The following RFTN1 variants were observed in gnomAD, a reference collection of about 807,000 sequenced individuals.
RFTN1 encodes the protein raftlin, lipid raft linker 1.
A neutral mutation model predicts 46.5 loss-of-function variants in RFTN1; 26 were observed. The ratio of observed to expected loss-of-function variants is 0.56; its 90% confidence interval spans 0.41 to 0.78. RFTN1 has a LOEUF of 0.78. RFTN1 is among the 30% of genes least tolerant of loss of function. The pLI is 0.00. For missense variants in RFTN1, 693 were observed against 718.7 expected (o/e 0.96, Z 0.41); for synonymous variants, 261 against 284.2 (o/e 0.92, Z 0.82).
chr3:16,503,404 C>T (rs1055712810), intron 1 of RFTN1, among the ~76,000 whole-genome samples: 18 of 152,176 alleles, frequency 1.2e-4, no homozygotes, highest in African/African-American at 4.1e-4. Context: ...ATCTTGACTG[C>T]ACTTTGGAAC....
At chr3:16,323,340 T>G in intron 9 of RFTN1, 36 bp downstream of exon 9, 1 of 1,484,142 alleles carries the variant, frequency 6.7e-7, no homozygotes, top group Non-Finnish European at 9.4e-7. Context: ...GAAGCCCTGC[T>G]GAGGAAAACC....
In RFTN1 at chr3:16,410,418, G is replaced by C. The variant is rs966828936; in HGVS notation, c.333-935C>G. Among the ~76,000 whole-genome samples, 4 of 151,964 alleles carry C rather than the reference G, an allele frequency of 2.6e-5. No individual in the cohort carries two copies. Among genetic ancestry groups the C allele is most frequent in the African/African-American group, 9.7e-5 (4 of 41,348 alleles). ...GATGGGGATGGGTGGTGATGGTATGGGTGTGGGGGTGGTGATCAAAAGTGA... is the reference window on the plus strand; with the variant it reads ...GATGGGGATGGGTGGTGATGGTATGCGTGTGGGGGTGGTGATCAAAAGTGA... On this transcript the variant is annotated intron_variant, in intron 3 of 9. Coordinates refer to ENST00000334133, the MANE Select transcript of RFTN1 (RefSeq NM_015150.2). The surrounding 1 kb of genome is among the most constrained non-coding windows in gnomAD (Gnocchi z 4.6).
rs537062120 is a variant in RFTN1, at chr3:16,355,517, C to T, written c.1146+2415G>A. ...AAAAGGGGAGGCAGTGGTCTGCAGC[C>T]TCTCTTCTAAGGGCATTCATCCTAT... On this transcript the variant is annotated intron_variant, in intron 7 of 9. Coordinates refer to ENST00000334133, the MANE Select transcript of RFTN1 (RefSeq NM_015150.2). Among the ~76,000 whole-genome samples, 15 of 152,346 alleles carry T rather than the reference C, an allele frequency of 9.8e-5. 1 individual carries two copies. The highest frequency in any genetic ancestry group is 6.5e-4 in the Admixed American group (10 of 15,308).
rs2071069874 is a variant in RFTN1, at chr3:16,338,454, C to G, written c.1147-11578G>C. 6.6e-6 allele frequency among the ~76,000 whole-genome samples: 1 copy of G among 152,238 alleles called. No individual in the cohort carries two copies. On this transcript the variant is annotated intron_variant, in intron 7 of 9. Transcript: ENST00000334133. This position sits in a 1 kb window ranked among gnomAD's most constrained non-coding sequence, Gnocchi z 5.3. ...CATCCTGTCAGCTGCTCATCGGGAC[C>G]ACGTATGCAATAGCACAGGGCTCCT...
chr3:16,431,587 T>C (rs948929099), intron 3 of RFTN1, among the ~76,000 whole-genome samples: 1 of 152,084 alleles, frequency 6.6e-6, no homozygotes, highest in African/African-American at 2.4e-5. Flanking sequence ...CAGATCACAC[T>C]GAAGGATGTG....
At chr3:16,393,962 CTTT>C (rs758088705) in intron 4 of RFTN1, among the ~76,000 whole-genome samples, 21 of 151,916 alleles carry the variant, frequency 1.4e-4, no homozygotes, top group Non-Finnish European at 1.9e-4. Flanking sequence ...CCCGGCCAGA[CTTT>C]TTTTTAAGGA....
In RFTN1 at chr3:16,326,778, A is replaced by G. The variant is rs1177215283; in HGVS notation, c.1245T>C (p.Thr415=). Residue 415 remains threonine, a synonymous_variant, in exon 8 of 10, where the codon ACT becomes ACC. Transcript: ENST00000334133. The stretch of plus-strand genomic sequence containing the variant: ...ATGATTACTGTTATTGTTACCTGGT[A>G]GTCTTGACGACGGGAGTTGGTAGCA... ...TCVLPTPVVK[T]TSEGSVSTKQ... The G allele has an allele frequency of 1.9e-6, 3 of 1,612,762 alleles. No homozygotes were observed. The highest frequency in any genetic ancestry group is 2.2e-5 in the South Asian group (2 of 91,050).
chr3:16,391,719 C>T (rs939359356), intron 4 of RFTN1, among the ~76,000 whole-genome samples: 27 of 152,116 alleles, frequency 1.8e-4, no homozygotes, highest in African/African-American at 4.8e-4. Context: ...AAACGCAGCA[C>T]ACCACTATCA....
At chr3:16,324,932 A>G (rs566710732) in intron 8 of RFTN1, among the ~76,000 whole-genome samples, 1 of 152,052 alleles carries the variant, frequency 6.6e-6, no homozygotes, top group Non-Finnish European at 1.5e-5. Flanking sequence ...TTAATTTACA[A>G]TCCCACCAAG....
At chr3:16,347,340 A>G (rs909066584) in intron 7 of RFTN1, among the ~76,000 whole-genome samples, 2 of 152,272 alleles carry the variant, frequency 1.3e-5, no homozygotes, top group Non-Finnish European at 2.9e-5. Flanking sequence ...TTGGTGGATT[A>G]CAACAATAGA....
intron 9 of RFTN1, among the ~76,000 whole-genome samples, chr3:16,318,269 T>C (rs2068654964): frequency 6.6e-6 from 1 of 152,198 alleles, no homozygotes; most frequent in South Asian, 2.1e-4. Context: ...GTTCCCACCA[T>C]GGCCACTTCC....
chr3:16,488,154 G>A (rs1160730709), intron 2 of RFTN1, among the ~76,000 whole-genome samples: 1 of 149,360 alleles, frequency 6.7e-6, no homozygotes, highest in Non-Finnish European at 1.5e-5. Context: ...CCAGGCTGGA[G>A]TGCAATGGTG....
At chr3:16,497,321 C>T (rs1422166741) in intron 1 of RFTN1, among the ~76,000 whole-genome samples, 2 of 152,226 alleles carry the variant, frequency 1.3e-5, no homozygotes, top group Non-Finnish European at 2.9e-5. Context: ...CATCTACGTA[C>T]TGGGTCTCAA....
Position 16,513,660 on chromosome 3 carries a change from C to A in RFTN1, c.-227G>T. 6.6e-6 allele frequency: 1 copy of A among 150,808 alleles called. No homozygotes were observed. The highest frequency in any genetic ancestry group is 1.8e-4 in the South Asian group (1 of 5,612). 9.3% of individuals were successfully genotyped at this position (150,808 alleles called of 1,614,324 possible). On this transcript the variant is annotated 5_prime_UTR_variant, in exon 1 of 10. Coordinates refer to ENST00000334133, the MANE Select transcript of RFTN1 (RefSeq NM_015150.2). This position sits in a 1 kb window ranked among gnomAD's most constrained non-coding sequence, Gnocchi z 5.4. ...CCGGAGCCCGCGGCCGCCGCGCTCT[C>A]GCTCGCTGCGCCCAGCGCCCGGCGC...
rs2075659404 is a variant in RFTN1, at chr3:16,442,966, T to C, written c.146-8929A>G. ...ATTGCATATATATACCATAGTTTAT[T>C]TATCCAATCATCTATTGATGGACAT... is the stretch of plus-strand genomic sequence containing the variant. On this transcript the variant is annotated intron_variant, in intron 2 of 9. Coordinates refer to ENST00000334133, the MANE Select transcript of RFTN1 (RefSeq NM_015150.2). This position sits in a 1 kb window ranked among gnomAD's most constrained non-coding sequence, Gnocchi z 4.1. 2.6e-5 allele frequency among the ~76,000 whole-genome samples: 4 copies of C among 152,274 alleles called. No individual in the cohort carries two copies. Among genetic ancestry groups the C allele is most frequent in the Admixed American group, 2.6e-4 (4 of 15,292 alleles).
At position 16,500,417 on chromosome 3, in the gene RFTN1, A is replaced by G. The variant is rs761461665; in HGVS notation, c.-8-6540T>C. Among the ~76,000 whole-genome samples, 14 of 152,352 alleles carry G rather than the reference A, an allele frequency of 9.2e-5. No individual in the cohort carries two copies. Among genetic ancestry groups the G allele is most frequent in the Non-Finnish European group, 1.8e-4 (12 of 68,028 alleles). ...AGGTACCAAGAAAAACTTTCCAAGA[A>G]GTCTTCAAAGGTAGAGGAAATGGAA... On this transcript the variant is annotated intron_variant, in intron 1 of 9. Coordinates refer to ENST00000334133, the MANE Select transcript of RFTN1 (RefSeq NM_015150.2). This position sits in a 1 kb window ranked among gnomAD's most constrained non-coding sequence, Gnocchi z 5.9.
chr3:16,345,553 G>A lies in RFTN1; in HGVS notation c.1146+12379C>T, dbSNP rs2125302007. On this transcript the variant is annotated intron_variant, in intron 7 of 9. Transcript: ENST00000334133. This position sits in a 1 kb window ranked among gnomAD's most constrained non-coding sequence, Gnocchi z 5.2. ...TGAGGACCTGAACAGAACAAAGGGT[G>A]GAGGAAGGCTGAATTAACACCGCCT... is the stretch of plus-strand genomic sequence containing the variant. Among the ~76,000 whole-genome samples, 1 of 152,226 alleles carries A rather than the reference G, an allele frequency of 6.6e-6. No individual in the cohort carries two copies. The highest frequency in any genetic ancestry group is 6.5e-5 in the Admixed American group (1 of 15,292).
chr3:16,472,136 G>C (rs1290924821), intron 2 of RFTN1: 5 of 148,438 alleles, frequency 3.4e-5, no homozygotes, highest in Non-Finnish European at 7.5e-5. Flanking sequence ...AAAAAAAAAA[G>C]GCTTGAGGAG....
At chr3:16,467,419 A>G (rs1213279481) in intron 2 of RFTN1, among the ~76,000 whole-genome samples, 4 of 152,206 alleles carry the variant, frequency 2.6e-5, no homozygotes, top group African/African-American at 9.6e-5. Flanking sequence ...ACAACATTCC[A>G]CACAGGCCCT....
Sources: allele counts gnomAD v4.1 joint callset (sites outside exome capture counted in the v4.1 genomes callset), GRCh38; gene constraint gnomAD v4.1.1; non-coding constraint Gnocchi (gnomAD v3.1); transcripts MANE v1.5; gene names NCBI Gene and HGNC (gene_info 2026-07-23, HGNC 2026-07-21).